The following SLC4A4 variants were observed in gnomAD, a reference collection of about 807,000 sequenced individuals.
SLC4A4 encodes solute carrier family 4 member 4.
Under a neutral mutation model 111.5 loss-of-function variants are expected in SLC4A4, and 27 were observed. That is an observed-to-expected ratio of 0.24 (90% CI 0.18 to 0.33). SLC4A4 has a LOEUF of 0.33. Among genes scored for constraint, SLC4A4 ranks in the 10% least tolerant of loss-of-function variants. The probability of loss-of-function intolerance (pLI) is 1.00; values close to 1 mark genes in which losing one functional copy is unlikely to be tolerated. For missense variants in SLC4A4, 909 were observed against 1,315.5 expected, an observed-to-expected ratio of 0.69 and a Z score of 4.78; for synonymous variants, 443 against 463.4, an observed-to-expected ratio of 0.96 and a Z score of 0.57.
rs1560592562 is a variant in SLC4A4, at chr4:71,531,797, AC to A, written c.2167-264del. On this transcript the variant is annotated intron_variant, in intron 16 of 25. Transcript: ENST00000264485. ...CACACACACACACACACACACACAC[AC>A]ACACACAGAAAGAGAGAGAGAGAGA... 2.2e-3 allele frequency among the ~76,000 whole-genome samples: 329 copies of A among 148,312 alleles called. 1 individual carries two copies. The highest frequency in any genetic ancestry group is 7.9e-3 in the African/African-American group (315 of 39,698).
intron 2 of SLC4A4, among the ~76,000 whole-genome samples, chr4:71,098,453 G>A (rs767612948): frequency 3.8e-4 from 58 of 152,240 alleles, no homozygotes; most frequent in South Asian, 1.9e-3. Flanking sequence ...TTGAAGTCAG[G>A]TAGCATGATG....
At chr4:71,497,230 G>T (rs2149149337) in intron 15 of SLC4A4, among the ~76,000 whole-genome samples, 1 of 152,190 alleles carries the variant, frequency 6.6e-6, no homozygotes, top group East Asian at 1.9e-4. Flanking sequence ...GTACTTTGTG[G>T]TTTCTATTGA....
intron 8 of SLC4A4, among the ~76,000 whole-genome samples, chr4:71,441,338 T>G (rs985590998): frequency 6.6e-5 from 10 of 152,206 alleles, no homozygotes; most frequent in Non-Finnish European, 1.2e-4. Flanking sequence ...ACCTGAGAAG[T>G]CATCCTCTTC....
intron 6 of SLC4A4, among the ~76,000 whole-genome samples, chr4:71,359,520 T>G (rs949501901): frequency 1.5e-4 from 23 of 152,340 alleles, no homozygotes; most frequent in African/African-American, 5.5e-4. Context: ...AATTTTTGGC[T>G]TTCTAGAGGT....
chr4:71,421,996 C>T (rs958288208), intron 7 of SLC4A4, among the ~76,000 whole-genome samples: 10 of 151,798 alleles, frequency 6.6e-5, no homozygotes, highest in South Asian at 2.1e-4. Context: ...CAGAGCAGAA[C>T]GGAAGGAAAT....
intron 3 of SLC4A4, among the ~76,000 whole-genome samples, chr4:71,338,432 A>T (rs142582024): frequency 6.6e-6 from 1 of 152,100 alleles, no homozygotes; most frequent in African/African-American, 2.4e-5. Context: ...TGTTGGTTTT[A>T]CCCAGGGATT....
chr4:71,113,976 G>A (rs912287333), intron 2 of SLC4A4, among the ~76,000 whole-genome samples: 5 of 152,158 alleles, frequency 3.3e-5, no homozygotes, highest in African/African-American at 1.2e-4. Context: ...GGCCGGGCGC[G>A]GTGGCTCACA....
At chr4:71,144,025 C>T (rs1029377304) in intron 2 of SLC4A4, among the ~76,000 whole-genome samples, 2 of 152,126 alleles carry the variant, frequency 1.3e-5, no homozygotes, top group African/African-American at 2.4e-5. Context: ...CTTGCCCATG[C>T]CTATGTCCTG....
chr4:71,327,302 T>C (rs1727578011), intron 3 of SLC4A4, among the ~76,000 whole-genome samples: 2 of 152,070 alleles, frequency 1.3e-5, no homozygotes, highest in South Asian at 2.1e-4. Context: ...ATCTAATACA[T>C]TTACTGCCTA....
intron 1 of SLC4A4, among the ~76,000 whole-genome samples, chr4:71,077,738 G>GT (rs1379684822): frequency 3.3e-5 from 5 of 152,132 alleles, no homozygotes; most frequent in Non-Finnish European, 7.4e-5. Flanking sequence ...AGACGGTTTT[G>GT]TTTTCTATTC....
Position 71,390,812 on chromosome 4 carries a change from T to G in SLC4A4, c.731-6765T>G, listed in dbSNP as rs547506350. On this transcript the variant is annotated intron_variant, in intron 6 of 25. Transcript: ENST00000264485. ...CTCTCAGAGGCAGTGAGATTGGCATTATGAGATCCATGTTTACATTATGGT... is the reference window on the plus strand; with the variant it reads ...CTCTCAGAGGCAGTGAGATTGGCATGATGAGATCCATGTTTACATTATGGT... Among the ~76,000 whole-genome samples, 5 of 152,254 alleles carry G rather than the reference T, an allele frequency of 3.3e-5. No homozygotes were observed. The East Asian group carries it at 9.6e-4, about 29-fold the overall frequency.
At chr4:71,264,813 A>T (rs1722115760) in intron 3 of SLC4A4, among the ~76,000 whole-genome samples, 1 of 152,170 alleles carries the variant, frequency 6.6e-6, no homozygotes, top group South Asian at 2.1e-4. Context: ...ACACACAGAC[A>T]CAGCTAATAC....
At chr4:71,403,660 G>A (rs1486392447) in intron 7 of SLC4A4, among the ~76,000 whole-genome samples, 1 of 152,120 alleles carries the variant, frequency 6.6e-6, no homozygotes, top group Non-Finnish European at 1.5e-5. Context: ...TATCATAAGT[G>A]GCTGGAGCAA....
chr4:71,230,723 T>A (rs994483210), intron 1 of SLC4A4, among the ~76,000 whole-genome samples: 1 of 152,178 alleles, frequency 6.6e-6, no homozygotes, highest in Non-Finnish European at 1.5e-5. Context: ...ATGAACTTGA[T>A]CCATGTGCAG....
At chr4:71,375,630 A>C (rs1732280107) in intron 6 of SLC4A4, among the ~76,000 whole-genome samples, 1 of 152,186 alleles carries the variant, frequency 6.6e-6, no homozygotes, top group African/African-American at 2.4e-5. Context: ...GTATGAGTAC[A>C]TGTCTTATTC....
At chr4:71,090,717 A>T (rs553567473) in intron 1 of SLC4A4, among the ~76,000 whole-genome samples, 1 of 152,304 alleles carries the variant, frequency 6.6e-6, no homozygotes, top group East Asian at 1.9e-4. Flanking sequence ...GAAAAATGCT[A>T]AAGGTAGAAT....
At chr4:71,227,008 A>G (rs576800019) in intron 1 of SLC4A4, among the ~76,000 whole-genome samples, 2 of 152,290 alleles carry the variant, frequency 1.3e-5, no homozygotes, top group South Asian at 4.1e-4. Context: ...AAGAGCCATG[A>G]CATGCCCAAG....
At chr4:71,297,585 CTTTTTTT>C (rs112132682) in intron 3 of SLC4A4, among the ~76,000 whole-genome samples, 1 of 115,048 alleles carries the variant, frequency 8.7e-6, no homozygotes, top group Non-Finnish European at 1.8e-5. Flanking sequence ...ATTGGTGAAT[CTTTTTTT>C]TTTTTTTTTT....
chr4:71,089,962 G>A (rs1388540634), intron 1 of SLC4A4, among the ~76,000 whole-genome samples: 1 of 131,620 alleles, frequency 7.6e-6, no homozygotes, highest in Non-Finnish European at 1.7e-5. Context: ...GAATTCTGTT[G>A]CCTTTTGTTT....
Sources: gnomAD v4.1 joint callset for allele counts (sites outside exome capture counted in the v4.1 genomes callset) on GRCh38, gnomAD v4.1.1 for gene constraint, MANE v1.5 for transcripts, NCBI Gene and HGNC (gene_info 2026-07-23, HGNC 2026-07-21) for gene names.